STK38L: variants seen among roughly 807,000 people sequenced by gnomAD.
STK38L encodes serine/threonine kinase 38 like.
Under a neutral mutation model 59.7 loss-of-function variants are expected in STK38L, and 28 were observed. The ratio of observed to expected loss-of-function variants is 0.47; its 90% CI spans 0.35 to 0.64. STK38L has a LOEUF of 0.64. Among genes scored for constraint, STK38L ranks in the 30% least tolerant of loss-of-function variants. STK38L has a pLI of 0.01. For synonymous variants in STK38L, 162 were observed against 176.8 expected, an observed-to-expected ratio of 0.92 and a Z score of 0.66; for missense variants, 314 against 555.8, an observed-to-expected ratio of 0.56 and a Z score of 4.37.
At chr12:27,322,105 A>G in intron 12 of STK38L, 38 bp from the exon 13 acceptor site, 1 of 1,571,940 alleles carries the variant, frequency 6.4e-7, no homozygotes, top group Non-Finnish European at 8.7e-7. Flanking sequence ...TTGAGAGTTC[A>G]AGAAAAGTTA....
chr12:27,257,222 C>T (rs1943108448), intron 1 of STK38L, among the ~76,000 whole-genome samples: 1 of 152,184 alleles, frequency 6.6e-6, no homozygotes, highest in South Asian at 2.1e-4. Flanking sequence ...ACAGGGGAAG[C>T]CAGCCCATGT....
At chr12:27,277,632 T>G (rs1190824515) in intron 1 of STK38L, among the ~76,000 whole-genome samples, 1 of 152,172 alleles carries the variant, frequency 6.6e-6, no homozygotes, top group Non-Finnish European at 1.5e-5. Context: ...CTCATAATTC[T>G]TTAAAAATTA....
chr12:27,320,626 G>A (rs1471111791), intron 12 of STK38L, among the ~76,000 whole-genome samples: 1 of 151,692 alleles, frequency 6.6e-6, no homozygotes, highest in African/African-American at 2.4e-5. Flanking sequence ...ATCATTTATT[G>A]TGTCCAGCAC....
chr12:27,318,516 C>T (rs781054027), intron 11 of STK38L, among the ~76,000 whole-genome samples: 59 of 152,106 alleles, frequency 3.9e-4, no homozygotes, highest in Non-Finnish European at 1.5e-4. Flanking sequence ...TGACCTTTGA[C>T]CCAGAAGTTC....
chr12:27,300,296 A>G (rs1177242834), intron 2 of STK38L, among the ~76,000 whole-genome samples: 1 of 152,236 alleles, frequency 6.6e-6, no homozygotes, highest in Non-Finnish European at 1.5e-5. Context: ...AATCAGAGCA[A>G]AGCATAAGAG....
intron 11 of STK38L, among the ~76,000 whole-genome samples, chr12:27,318,246 T>A (rs878960189): frequency 1.3e-5 from 2 of 152,226 alleles, no homozygotes; most frequent in Admixed American, 1.3e-4. Context: ...GTTACTGATA[T>A]ATATAAAAGC....
chr12:27,265,807 C>A (rs1481859829), intron 1 of STK38L, among the ~76,000 whole-genome samples: 2 of 152,052 alleles, frequency 1.3e-5, no homozygotes, highest in Non-Finnish European at 2.9e-5. Flanking sequence ...ATATCTGTAT[C>A]CTGATTTCTG....
At chr12:27,272,068 A>G (rs930883022) in intron 1 of STK38L, among the ~76,000 whole-genome samples, 2 of 152,226 alleles carry the variant, frequency 1.3e-5, no homozygotes, top group Admixed American at 6.5e-5. Context: ...CATTGGTTCA[A>G]AAAGCAACTT....
chr12:27,282,412 C>T (rs1318825431), intron 1 of STK38L, among the ~76,000 whole-genome samples: 1 of 151,998 alleles, frequency 6.6e-6, no homozygotes, highest in African/African-American at 2.4e-5. Flanking sequence ...ATGAATTTTT[C>T]AATAGAAAAG....
chr12:27,251,833 A>T (rs1942981070), intron 1 of STK38L, among the ~76,000 whole-genome samples: 2 of 152,236 alleles, frequency 1.3e-5, no homozygotes, highest in South Asian at 4.1e-4. Context: ...CTTAATTCTT[A>T]AGTTATTGTC....
At chr12:27,290,320 C>A (rs1943869562) in intron 1 of STK38L, among the ~76,000 whole-genome samples, 2 of 152,128 alleles carry the variant, frequency 1.3e-5, no homozygotes, top group Non-Finnish European at 2.9e-5. Context: ...AAATTCAGAC[C>A]CAGGCAATCT....
intron 1 of STK38L, among the ~76,000 whole-genome samples, chr12:27,280,980 A>C (rs2136625906): frequency 6.6e-6 from 1 of 152,324 alleles, no homozygotes; most frequent in African/African-American, 2.4e-5. Flanking sequence ...TTTACTAAGA[A>C]TAAATAAGGT....
chr12:27,319,447 G>A (rs1345909277), intron 12 of STK38L, 24 bp downstream of exon 12: 1 of 1,571,474 alleles, frequency 6.4e-7, no homozygotes, highest in Non-Finnish European at 8.7e-7. Context: ...CTTTGAATGG[G>A]AAAGGTCTGA....
chr12:27,244,355 C>G (rs1591834653), intron 1 of STK38L, 23 bp downstream of exon 1: 2 of 152,334 alleles, frequency 1.3e-5, no homozygotes, highest in Non-Finnish European at 2.9e-5. Flanking sequence ...ATGTAGCGCT[C>G]GGCTGAGGGC....
intron 12 of STK38L, 138 bp from the exon 13 acceptor site, chr12:27,322,005 C>G (rs903471734): frequency 1.9e-5 from 13 of 668,624 alleles, no homozygotes; most frequent in Non-Finnish European, 2.9e-5. Context: ...CTCCCTTTAA[C>G]TAATCTCAAA....
At chr12:27,280,802 A>G (rs1419346950) in intron 1 of STK38L, among the ~76,000 whole-genome samples, 2 of 152,244 alleles carry the variant, frequency 1.3e-5, no homozygotes, top group African/African-American at 2.4e-5. Flanking sequence ...AAATAATTGC[A>G]TAGATTTCCA....
chr12:27,267,450 A>G (rs1943323193), intron 1 of STK38L, among the ~76,000 whole-genome samples: 1 of 152,238 alleles, frequency 6.6e-6, no homozygotes, highest in South Asian at 2.1e-4. Flanking sequence ...TCAGCCAGGC[A>G]CGGTGGCATA....
intron 1 of STK38L, among the ~76,000 whole-genome samples, chr12:27,258,718 TATTAA>T (rs1943141763): frequency 1.3e-5 from 2 of 152,276 alleles, no homozygotes; most frequent in South Asian, 4.1e-4. Flanking sequence ...ACATTTTCTC[TATTAA>T]ATTTTATTTG....
chr12:27,276,222 C>T (rs1481040432), intron 1 of STK38L, among the ~76,000 whole-genome samples: 1 of 152,130 alleles, frequency 6.6e-6, no homozygotes, highest in African/African-American at 2.4e-5. Flanking sequence ...TATACCCATA[C>T]CTACTCCCCT....
Sources: allele counts gnomAD v4.1 joint callset (sites outside exome capture counted in the v4.1 genomes callset), GRCh38; gene constraint gnomAD v4.1.1; transcripts MANE v1.5; gene names NCBI Gene and HGNC (gene_info 2026-07-23, HGNC 2026-07-21).